CEP131: variants seen among roughly 807,000 people sequenced by gnomAD.
The protein encoded by CEP131 is centrosomal protein 131, also known as centrosomal protein of 131 kDa.
A neutral mutation model predicts 136.8 loss-of-function variants in CEP131; 99 were observed. That is an observed-to-expected ratio of 0.72 (90% CI 0.62 to 0.86). The LOEUF (loss-of-function observed/expected upper bound fraction) is 0.86. CEP131 is among the 40% of genes least tolerant of loss of function. CEP131 has a pLI of 0.00. For synonymous variants in CEP131, 646 were observed against 612.7 expected, an observed-to-expected ratio of 1.05 and a Z score of -0.80; for missense variants, 1,459 against 1,463.0, an observed-to-expected ratio of 1.00 and a Z score of 0.04.
chr17:81,194,125 G>T lies in CEP131; in HGVS notation c.2122C>A (p.Leu708Met). Residue 708 changes from leucine to methionine, a missense_variant and splice_region_variant, in exon 18 of 26, where the codon CTG becomes ATG. Leu to Met is a conservative substitution (Grantham distance 15). Around this residue, in one of 3 missense-constraint regions of CEP131, gnomAD observed 1,026 missense variants for 964.2 expected, o/e 1.06. Coordinates refer to ENST00000450824, the MANE Select transcript of CEP131 (RefSeq NM_014984.4). ...ATCAGCTTCTGGATCTCGGGCTCCA[G>T]ACCTGGGGGCGGGGCACCAGCTAGG... Reference protein sequence around the residue: ...KKIKEVTVRGLEPEIQKLIAR... With the variant: ...KKIKEVTVRGMEPEIQKLIAR... The T allele has an allele frequency of 1.3e-6, 2 of 1,525,316 alleles. No individual in the cohort carries two copies. The highest frequency in any genetic ancestry group is 1.3e-5 in the South Asian group (1 of 77,348). 94.5% of individuals were successfully genotyped at this position (1,525,316 alleles called of 1,614,324 possible). A position where few individuals can be genotyped will look rare whatever the true frequency, so the allele number is the denominator to read the frequency against.
intron 2 of CEP131, 150 bp from the exon 3 acceptor site, chr17:81,209,172 G>A: frequency 1.6e-6 from 1 of 634,398 alleles, no homozygotes; most frequent in South Asian, 1.9e-5. Flanking sequence ...GGCAGTGGGT[G>A]GTCAGAGGGG....
rs749940999 is a variant in CEP131, at chr17:81,198,253, C to T, written c.1332G>A (p.Met444Ile). The T allele has an allele frequency of 1.4e-5, 22 of 1,604,088 alleles. No homozygotes were observed. The highest frequency in any genetic ancestry group is 3.4e-5 in the Admixed American group (2 of 59,368). ...QDAAGDNLEM[M>I]APSRGSAKSR... ...ACTTGGCGCTCCCCCTGCTCGGGGCCATCATCTCCAGGTTGTCCCCAGCTG... is the reference window on the plus strand; with the variant it reads ...ACTTGGCGCTCCCCCTGCTCGGGGCTATCATCTCCAGGTTGTCCCCAGCTG... Residue 444 changes from methionine to isoleucine, a missense_variant, in exon 12 of 26, where the codon ATG (methionine) becomes ATA (isoleucine). Physicochemically the swap from Met to Ile is conservative, Grantham distance 10. Coordinates refer to ENST00000450824, the MANE Select transcript of CEP131 (RefSeq NM_014984.4).
At chr17:81,206,602 T>C in intron 5 of CEP131, 142 bp downstream of exon 5, 1 of 1,243,372 alleles carries the variant, frequency 8.0e-7, no homozygotes, top group Non-Finnish European at 1.1e-6. Flanking sequence ...CCCTTGGGAA[T>C]GAAAGCCATT....
At chr17:81,195,761 C>T (rs558422616) in intron 16 of CEP131, 74 bp downstream of exon 16, 2 of 1,354,534 alleles carry the variant, frequency 1.5e-6, no homozygotes, top group East Asian at 4.6e-5. Context: ...CGGTCCTGTT[C>T]TGGGGGCTGT....
At chr17:81,218,969 C>T (rs753016278) in intron 2 of CEP131, among the ~76,000 whole-genome samples, 14 of 152,364 alleles carry the variant, frequency 9.2e-5, no homozygotes, top group Non-Finnish European at 1.5e-4. Context: ...AGCCAAGGCC[C>T]CCAGGCCCTT....
chr17:81,214,576 AT>A lies in CEP131; in HGVS notation c.177+5303del, dbSNP rs2062204279. On this transcript the variant is annotated intron_variant, in intron 2 of 25. Coordinates refer to ENST00000450824, the MANE Select transcript of CEP131 (RefSeq NM_014984.4). ...CATCTCAAAAAAGAAAAAGAAAAAA[AT>A]AAAATAAAAAGTAAAAAGTAAACTA... 2.0e-5 allele frequency among the ~76,000 whole-genome samples: 3 copies of A among 152,298 alleles called. No individual in the cohort carries two copies. In the South Asian group the frequency reaches 6.2e-4, roughly 32 times the overall value.
At chr17:81,202,436 C>G in intron 6 of CEP131, 38 bp from the exon 7 acceptor site, 1 of 1,597,768 alleles carries the variant, frequency 6.3e-7, no homozygotes, top group East Asian at 2.2e-5. Context: ...TCTCACCGCC[C>G]AGGGGAACAG....
In CEP131 at chr17:81,198,108, T is replaced by C. The variant is rs2061806337; in HGVS notation, c.1470+7A>G. 3 of 1,556,326 alleles carry C rather than the reference T, an allele frequency of 1.9e-6. No homozygotes were observed. The highest frequency in any genetic ancestry group is 2.6e-6 in the Non-Finnish European group (3 of 1,151,554). On this transcript the variant is annotated splice_region_variant and intron_variant, in intron 12 of 25. Coordinates refer to ENST00000450824, the MANE Select transcript of CEP131 (RefSeq NM_014984.4). ...GACTGTGCAGGGCGGGCGCACACCG[T>C]GGTCACCTCGCTGGCCCAGGCGTAT...
intron 1 of CEP131, among the ~76,000 whole-genome samples, chr17:81,220,455 C>G (rs2062362451): frequency 6.6e-6 from 1 of 152,308 alleles, no homozygotes; most frequent in Non-Finnish European, 1.5e-5. Flanking sequence ...CCCCGAGCCC[C>G]ACTGTTTTCT....
Position 81,203,724 on chromosome 17 carries a change from G to A in CEP131, c.516-117C>T. 4.1e-6 allele frequency: 3 copies of A among 738,872 alleles called. No homozygotes were observed. The highest frequency in any genetic ancestry group is 2.5e-5 in the Admixed American group (1 of 40,584). 45.8% of individuals were successfully genotyped at this position (738,872 alleles called of 1,614,324 possible). On this transcript the variant is annotated intron_variant, in intron 5 of 25. Transcript: ENST00000450824. This position sits in a 1 kb window ranked among gnomAD's most constrained non-coding sequence, Gnocchi z 4.6. ...AACAAAGGCCTTCAGTGCTTGCTAC[G>A]TGCTGGCAGCATTGTCGTCCAGTGT...
intron 24 of CEP131, 31 bp downstream of exon 24, chr17:81,190,608 C>A: frequency 2.6e-6 from 4 of 1,529,342 alleles, no homozygotes; most frequent in Non-Finnish European, 3.5e-6. Flanking sequence ...GCCCCGCCTC[C>A]GTCTCCAGCC....
intron 2 of CEP131, among the ~76,000 whole-genome samples, chr17:81,212,784 G>A (rs1170323398): frequency 6.6e-6 from 1 of 152,184 alleles, no homozygotes; most frequent in South Asian, 2.1e-4. Flanking sequence ...GGGGGCGAGA[G>A]GTGCCACTAG....
At position 81,192,597 on chromosome 17, in the gene CEP131, C is replaced by T. The variant is rs1481599088; in HGVS notation, c.2430-4G>A. On this transcript the variant is annotated splice_polypyrimidine_tract_variant and splice_region_variant and intron_variant, in intron 19 of 25. Coordinates refer to ENST00000450824, the MANE Select transcript of CEP131 (RefSeq NM_014984.4). Reference sequence around the variant, plus strand: ...CTCTTCCAGCTCCGCCCGCTGCCTGCGGCCAGGGAGGAGTCAGCAGGTGAG... The same window carrying T: ...CTCTTCCAGCTCCGCCCGCTGCCTGTGGCCAGGGAGGAGTCAGCAGGTGAG... 8.2e-6 allele frequency: 13 copies of T among 1,583,640 alleles called. No homozygotes were observed. Among genetic ancestry groups the T allele is most frequent in the African/African-American group, 1.4e-5 (1 of 73,072 alleles).
chr17:81,191,130 G>A lies in CEP131; in HGVS notation c.2766-46C>T, dbSNP rs199611785. 1.9e-4 allele frequency: 312 copies of A among 1,604,298 alleles called. No homozygotes were observed. The African/African-American group carries it at 2.6e-3, about 13-fold the overall frequency. On this transcript the variant is annotated intron_variant, in intron 22 of 25. Coordinates refer to ENST00000450824, the MANE Select transcript of CEP131 (RefSeq NM_014984.4). ...GGGTCACTCCAGCCCAGTCACACAC[G>A]GGTCCTTGCGCCTCAGCTCGTGGGC...
intron 15 of CEP131, among the ~76,000 whole-genome samples, chr17:81,196,462 G>A (rs2061756794): frequency 6.6e-6 from 1 of 152,248 alleles, no homozygotes; most frequent in Non-Finnish European, 1.5e-5. Flanking sequence ...ACTGAGCTGA[G>A]GGGCCGGCAG....
At chr17:81,199,036 C>T (rs1274906165) in intron 10 of CEP131, 65 bp from the exon 11 acceptor site, 8 of 1,411,130 alleles carry the variant, frequency 5.7e-6, no homozygotes, top group Non-Finnish European at 6.5e-6. Flanking sequence ...ACTCTGGAGG[C>T]ACCCCCGGGA....
rs529005914 is a variant in CEP131, at chr17:81,209,233, T to G, written c.178-211A>C. Among the ~76,000 whole-genome samples the G allele has an allele frequency of 6.6e-5, 10 of 152,162 alleles. No homozygotes were observed. The East Asian group carries it at 1.9e-3, about 29-fold the overall frequency. The stretch of plus-strand genomic sequence containing the variant: ...GCGAGGGGGGCTCAGGCCCGACCTC[T>G]AAGAGCTTCCCCGTCCCCGCATCAA... On this transcript the variant is annotated intron_variant, in intron 2 of 25. Coordinates refer to ENST00000450824, the MANE Select transcript of CEP131 (RefSeq NM_014984.4).
rs772370554 is a variant in CEP131 at position 81,196,955 on chromosome 17, G to T, written c.1748C>A (p.Ala583Asp). Residue 583 changes from alanine (A) to aspartate (D), a missense_variant, in exon 14 of 26, where the codon GCC becomes GAC. Ala to Asp is a moderately radical substitution (Grantham distance 126). Coordinates refer to ENST00000450824, the MANE Select transcript of CEP131 (RefSeq NM_014984.4). The part of the protein sequence containing the change: ...LKLEVEEKKQ[A>D]MLLLQRALAQ... The stretch of plus-strand genomic sequence containing the variant: ...CAGCGCTCTCTGCAGCAGCAGCATG[G>T]CCTGCTTCTTCTCCTCCACCTCCAG... 2 of 1,609,002 alleles carry T rather than the reference G, an allele frequency of 1.2e-6. No homozygotes were observed. The highest frequency in any genetic ancestry group is 1.7e-6 in the Non-Finnish European group (2 of 1,178,202).
chr17:81,220,378 C>T (rs1346650984), intron 1 of CEP131, among the ~76,000 whole-genome samples: 6 of 152,252 alleles, frequency 3.9e-5, no homozygotes, highest in Non-Finnish European at 8.8e-5. Context: ...GCCTGGGCCA[C>T]AGGCCATTGT....
Sources: allele counts gnomAD v4.1 joint callset (sites outside exome capture counted in the v4.1 genomes callset), GRCh38; gene constraint gnomAD v4.1.1; regional missense constraint gnomAD v4.1.1; non-coding constraint Gnocchi (gnomAD v3.1); transcripts MANE v1.5; gene names NCBI Gene and HGNC (gene_info 2026-07-23, HGNC 2026-07-21).